Variants in UTRN observed in about 807,000 individuals in gnomAD.
UTRN encodes the protein dystrophin-related protein 1.
UTRN carries 283 observed loss-of-function variants against 463.9 expected under a neutral mutation model. The observed-to-expected ratio is 0.61, with a 90% confidence interval of 0.55 to 0.67. The LOEUF is 0.67. UTRN is among the 30% of genes least tolerant of loss of function. The pLI is 0.00. For synonymous variants in UTRN, 1,442 were observed against 1,431.5 expected (o/e 1.01, Z -0.17); for missense variants, 3,922 against 4,084.3 (o/e 0.96, Z 1.08).
rs2128767987 is a variant in UTRN at position 144,852,269 on chromosome 6, C to T, written c.*1272C>T. The T allele has an allele frequency of 6.6e-6, 1 of 152,198 alleles. No individual in the cohort carries two copies. The highest frequency in any genetic ancestry group is 2.1e-4 in the South Asian group (1 of 4,826). 9.4% of individuals were successfully genotyped at this position (152,198 alleles called of 1,614,324 possible). A position where few individuals can be genotyped will look rare whatever the true frequency, so the allele number is the denominator to read the frequency against. On this transcript the variant is annotated 3_prime_UTR_variant, in exon 75 of 75. Coordinates refer to ENST00000367545, the MANE Select transcript of UTRN (RefSeq NM_007124.3). ...ACCTCCACCTACATCTTTTTGAGTG[C>T]ATTCAATTATGTATTTTGGTTTAGC...
At chr6:144,418,380 AT>A (rs369278118) in intron 3 of UTRN, among the ~76,000 whole-genome samples, 92,003 of 137,130 alleles carry the variant, frequency 0.67, 30,993 homozygotes, top group East Asian at 0.82. Context: ...CGCCCGGCTA[AT>A]TTTTTTTTTT....
At chr6:144,625,142 C>T (rs1259900787) in intron 51 of UTRN, among the ~76,000 whole-genome samples, 4 of 152,146 alleles carry the variant, frequency 2.6e-5, no homozygotes, top group Admixed American at 1.3e-4. Flanking sequence ...AATATCCACA[C>T]GTCTGGAAGA....
chr6:144,735,938 G>A (rs1789343148), intron 54 of UTRN, among the ~76,000 whole-genome samples: 1 of 151,898 alleles, frequency 6.6e-6, no homozygotes, highest in African/African-American at 2.4e-5. Flanking sequence ...ACTGGTTTTT[G>A]AGTTCTTATT....
At chr6:144,383,701 A>T (rs1306673737) in intron 2 of UTRN, among the ~76,000 whole-genome samples, 1 of 152,216 alleles carries the variant, frequency 6.6e-6, no homozygotes, top group Non-Finnish European at 1.5e-5. Flanking sequence ...AAAAAATGGG[A>T]TTAATCTTGT....
chr6:144,393,031 C>T (rs111390189), intron 2 of UTRN, among the ~76,000 whole-genome samples: 2 of 140,416 alleles, frequency 1.4e-5, no homozygotes, highest in African/African-American at 6.5e-5. Flanking sequence ...ATCCATCCAT[C>T]CATCCATCCA....
At chr6:144,679,384 T>C (rs963484143) in intron 52 of UTRN, among the ~76,000 whole-genome samples, 12 of 152,104 alleles carry the variant, frequency 7.9e-5, no homozygotes, top group African/African-American at 2.9e-4. Flanking sequence ...TGAGCAAAAA[T>C]CTAAAAGCAG....
At position 144,391,512 on chromosome 6, in the gene UTRN, A is replaced by T. The variant is rs575463978; in HGVS notation, c.80-11611A>T. On this transcript the variant is annotated intron_variant, in intron 2 of 74. Coordinates refer to ENST00000367545, the MANE Select transcript of UTRN (RefSeq NM_007124.3). ...ATGCCACTGTCTTCCTATAAGGGTC[A>T]TAATAAAGGCAAGTTTCAGACCAAA... Among the ~76,000 whole-genome samples the T allele has an allele frequency of 4.6e-5, 7 of 152,344 alleles. No individual in the cohort carries two copies. In the East Asian group the frequency reaches 1.3e-3, roughly 29 times the overall value.
At chr6:144,602,402 G>C (rs1804352532) in intron 51 of UTRN, among the ~76,000 whole-genome samples, 1 of 152,012 alleles carries the variant, frequency 6.6e-6, no homozygotes, top group South Asian at 2.1e-4. Context: ...GCCTCCTAAA[G>C]TGCTGGAATT....
chr6:144,607,556 C>T (rs1002110910), intron 51 of UTRN, among the ~76,000 whole-genome samples: 1 of 152,052 alleles, frequency 6.6e-6, no homozygotes, highest in Non-Finnish European at 1.5e-5. Context: ...CAAAAAGGAC[C>T]ATAGGTTTCA....
At chr6:144,315,772 G>C (rs1052214197) in intron 2 of UTRN, among the ~76,000 whole-genome samples, 3 of 152,186 alleles carry the variant, frequency 2.0e-5, no homozygotes, top group African/African-American at 7.2e-5. Context: ...ACAGATTTCA[G>C]GCAGCTTGGC....
intron 2 of UTRN, among the ~76,000 whole-genome samples, chr6:144,377,854 A>G (rs58108287): frequency 0.063 from 9,558 of 152,314 alleles, 358 homozygotes; most frequent in African/African-American, 0.11. Context: ...TTTCTTCACC[A>G]AAAAATAATC....
intron 3 of UTRN, among the ~76,000 whole-genome samples, chr6:144,414,697 A>C (rs1275712978): frequency 6.7e-6 from 1 of 148,220 alleles, no homozygotes; most frequent in African/African-American, 2.5e-5. Context: ...TAAGTGTCCT[A>C]TACAGGTGTA....
chr6:144,713,427 G>A (rs924327740), intron 53 of UTRN, among the ~76,000 whole-genome samples: 1 of 145,256 alleles, frequency 6.9e-6, no homozygotes, highest in Non-Finnish European at 1.5e-5. Context: ...CCAACATGGT[G>A]AAACCCCATC....
chr6:144,404,402 A>G (rs1035637813), intron 3 of UTRN, among the ~76,000 whole-genome samples: 4 of 152,238 alleles, frequency 2.6e-5, no homozygotes, highest in Non-Finnish European at 5.9e-5. Flanking sequence ...TGACATGAAT[A>G]AAAACTTTTG....
At chr6:144,639,362 T>A (rs1162532101) in intron 51 of UTRN, among the ~76,000 whole-genome samples, 2 of 152,182 alleles carry the variant, frequency 1.3e-5, no homozygotes, top group Non-Finnish European at 2.9e-5. Context: ...ATTTTCCAGA[T>A]TTCTGTCCTT....
intron 63 of UTRN, among the ~76,000 whole-genome samples, chr6:144,794,862 G>C (rs1777073013): frequency 6.6e-6 from 1 of 151,982 alleles, no homozygotes; most frequent in South Asian, 2.1e-4. Flanking sequence ...ATCTCTCTTG[G>C]GCCTCTTTTT....
At chr6:144,343,929 TCATAGGAA>T (rs1200649905) in intron 2 of UTRN, among the ~76,000 whole-genome samples, 1 of 151,858 alleles carries the variant, frequency 6.6e-6, no homozygotes, top group African/African-American at 2.4e-5. Context: ...ATAATCTCTG[TCATAGGAA>T]CATGAATAGA....
chr6:144,556,125 G>A (rs1176265919), intron 49 of UTRN, among the ~76,000 whole-genome samples: 1 of 152,146 alleles, frequency 6.6e-6, no homozygotes, highest in African/African-American at 2.4e-5. Flanking sequence ...TAGTTGTGAG[G>A]TTATAGTTTG....
intron 51 of UTRN, among the ~76,000 whole-genome samples, chr6:144,596,679 C>T (rs1403521075): frequency 6.6e-6 from 1 of 152,116 alleles, no homozygotes; most frequent in African/African-American, 2.4e-5. Context: ...TTAGATAAAA[C>T]ACATATGGTA....
Sources: allele counts gnomAD v4.1 joint callset (sites outside exome capture counted in the v4.1 genomes callset), GRCh38; gene constraint gnomAD v4.1.1; transcripts MANE v1.5; gene names NCBI Gene and HGNC (gene_info 2026-07-23, HGNC 2026-07-21).